Variants in JAKMIP2 observed in about 807,000 individuals in gnomAD.
The protein encoded by JAKMIP2 is janus kinase and microtubule-interacting protein 2.
JAKMIP2 carries 25 observed loss-of-function variants against 115.0 expected under a neutral mutation model. The observed-to-expected ratio is 0.22, with a 90% CI of 0.16 to 0.30. JAKMIP2 has a LOEUF of 0.30. Among genes scored for constraint, JAKMIP2 ranks in the 10% least tolerant of loss-of-function variants. The pLI is 1.00. For synonymous variants in JAKMIP2, 334 were observed against 343.6 expected, an observed-to-expected ratio of 0.97 and a Z score of 0.31; for missense variants, 642 against 957.6, an observed-to-expected ratio of 0.67 and a Z score of 4.35.
chr5:147,631,528 G>A lies in JAKMIP2; in HGVS notation c.1777-17C>T. On this transcript the variant is annotated splice_polypyrimidine_tract_variant and intron_variant, in intron 13 of 21. Transcript: ENST00000616793. ...CTCTCTCTCCTTGAAACACAGTGAA[G>A]AATATATGGAAATTAAAAACAAAAC... 2.0e-6 allele frequency: 3 copies of A among 1,495,536 alleles called. No homozygotes were observed. Among genetic ancestry groups the A allele is most frequent in the Non-Finnish European group, 1.9e-6 (2 of 1,074,260 alleles). The allele number at this position is 1,495,536 out of a possible 1,614,324, so 92.6% of individuals were successfully genotyped here. A position where few individuals can be genotyped will look rare whatever the true frequency, so the allele number is the denominator to read the frequency against.
Position 147,587,355 on chromosome 5 carries a change from A to G in JAKMIP2, c.*4352T>C, listed in dbSNP as rs982318667. ...TAATTACCAAAACACTGTTATGAAA[A>G]TTTCACAAAAGGCAACAAGCAATGC... On this transcript the variant is annotated 3_prime_UTR_variant, in exon 22 of 22. Transcript: ENST00000616793. 3.3e-5 allele frequency: 5 copies of G among 152,178 alleles called. No homozygotes were observed. Among genetic ancestry groups the G allele is most frequent in the African/African-American group, 1.2e-4 (5 of 41,450 alleles). 9.4% of individuals were successfully genotyped at this position (152,178 alleles called of 1,614,324 possible).
chr5:147,740,072 C>T lies in JAKMIP2; in HGVS notation c.-149+42384G>A, dbSNP rs116595710. Among the ~76,000 whole-genome samples, 1,237 of 152,312 alleles carry T rather than the reference C, an allele frequency of 8.1e-3. 24 individuals are homozygous for T. The highest frequency in any genetic ancestry group is 0.028 in the African/African-American group (1,169 of 41,570). ...TTCTCCTTTTTAAATCAACTGGAACCTCACTTGCTGGACACAAGACCCTTA... is the reference window on the plus strand; with the variant it reads ...TTCTCCTTTTTAAATCAACTGGAACTTCACTTGCTGGACACAAGACCCTTA... On this transcript the variant is annotated intron_variant, in intron 1 of 21. Transcript: ENST00000616793.
intron 2 of JAKMIP2, among the ~76,000 whole-genome samples, chr5:147,664,703 C>T (rs1240222662): frequency 2.0e-5 from 3 of 152,108 alleles, no homozygotes; most frequent in Non-Finnish European, 4.4e-5. Flanking sequence ...TTTTTGCCCA[C>T]TTGTCTGTCC....
chr5:147,635,746 A>G (rs1050312031), intron 12 of JAKMIP2, among the ~76,000 whole-genome samples: 1 of 152,104 alleles, frequency 6.6e-6, no homozygotes, highest in African/African-American at 2.4e-5. Flanking sequence ...TATTTAGCAG[A>G]GACAGGGTTT....
chr5:147,597,945 A>G (rs1367422957), intron 21 of JAKMIP2, among the ~76,000 whole-genome samples: 1 of 150,896 alleles, frequency 6.6e-6, no homozygotes, highest in Non-Finnish European at 1.5e-5. Context: ...TTGGCCTTTG[A>G]CTGAGAGTTA....
chr5:147,751,256 GTTT>G (rs59032563), intron 1 of JAKMIP2, among the ~76,000 whole-genome samples: 1 of 131,598 alleles, frequency 7.6e-6, no homozygotes, highest in Non-Finnish European at 1.6e-5. Flanking sequence ...TTTTGTTGTT[GTTT>G]TTTTTTTTTT....
In JAKMIP2 at chr5:147,641,723, ACTT is replaced by A. The variant is rs1481663203; in HGVS notation, c.1263_1265del (p.Arg421del). 2.5e-6 allele frequency: 4 copies of A among 1,612,868 alleles called. No homozygotes were observed. Among genetic ancestry groups the A allele is most frequent in the African/African-American group, 1.3e-5 (1 of 74,864 alleles). On this transcript the variant is annotated inframe_deletion, in exon 8 of 22. Coordinates refer to ENST00000616793, the MANE Select transcript of JAKMIP2 (RefSeq NM_001270941.2). Reference sequence around the variant, plus strand: ...TTCTTATTACCTTAATTGGCTTGGAACTTCTTCTATGCTTTCTTCTACGGATGA... The same window carrying A: ...TTCTTATTACCTTAATTGGCTTGGAACTTCTATGCTTTCTTCTACGGATGA...
chr5:147,736,910 G>T (rs960781435), intron 1 of JAKMIP2, among the ~76,000 whole-genome samples: 14 of 152,188 alleles, frequency 9.2e-5, no homozygotes, highest in African/African-American at 3.4e-4. Context: ...TTTGAGTTGT[G>T]CTTAGTTAGT....
chr5:147,650,198 A>C lies in JAKMIP2; in HGVS notation c.837+140T>G. 3 of 636,688 alleles carry C rather than the reference A, an allele frequency of 4.7e-6. No individual in the cohort carries two copies. The South Asian group carries it at 5.8e-5, about 12-fold the overall frequency. The allele number at this position is 636,688 out of a possible 1,614,324, so 39.4% of individuals were successfully genotyped here. A position where few individuals can be genotyped will look rare whatever the true frequency, so the allele number is the denominator to read the frequency against. The stretch of plus-strand genomic sequence containing the variant: ...TATGAGTTTAGAAAACCCTGTTCTC[A>C]AGATACTAGCTGATTTTATAGTAGA... On this transcript the variant is annotated intron_variant, in intron 4 of 21. Coordinates refer to ENST00000616793, the MANE Select transcript of JAKMIP2 (RefSeq NM_001270941.2).
At chr5:147,651,401 G>T (rs1463269208) in intron 3 of JAKMIP2, among the ~76,000 whole-genome samples, 1 of 152,100 alleles carries the variant, frequency 6.6e-6, no homozygotes, top group Admixed American at 6.5e-5. Context: ...CTAGGATGAG[G>T]GCTAATGAAG....
chr5:147,727,337 G>A (rs1241459156), intron 1 of JAKMIP2, among the ~76,000 whole-genome samples: 1 of 152,182 alleles, frequency 6.6e-6, no homozygotes, highest in Non-Finnish European at 1.5e-5. Flanking sequence ...GGGTGTATTT[G>A]TCTGGTTTTA....
chr5:147,742,867 T>TAA (rs3214609), intron 1 of JAKMIP2, among the ~76,000 whole-genome samples: 1 of 151,314 alleles, frequency 6.6e-6, no homozygotes, highest in African/African-American at 2.4e-5. Flanking sequence ...ACTAATGACT[T>TAA]AAAAAAAAAG....
intron 1 of JAKMIP2, among the ~76,000 whole-genome samples, chr5:147,764,889 GGAAAGAAAGAAAGAAA>G (rs758768756): frequency 1.7e-4 from 10 of 60,516 alleles, no homozygotes; most frequent in South Asian, 6.6e-4. Context: ...TGTCTAAAAG[GGAAAGAAAGAAAGAAA>G]GAAAGAAAGA....
rs1367273768 is a variant in JAKMIP2, at chr5:147,586,994, G to A, written c.*4713C>T. On this transcript the variant is annotated 3_prime_UTR_variant, in exon 22 of 22. Coordinates refer to ENST00000616793, the MANE Select transcript of JAKMIP2 (RefSeq NM_001270941.2). ...TGCCCCATTCTGAAATGGAATAATA[G>A]AATTTGGCACTTGAAGAGGCCTTAC... 6.6e-6 allele frequency: 1 copy of A among 152,060 alleles called. No individual in the cohort carries two copies. Among genetic ancestry groups the A allele is most frequent in the African/African-American group, 2.4e-5 (1 of 41,390 alleles). The allele number at this position is 152,060 out of a possible 1,614,324, so 9.4% of individuals were successfully genotyped here. A position where few individuals can be genotyped will look rare whatever the true frequency, so the allele number is the denominator to read the frequency against.
At chr5:147,685,294 T>C (rs926764141) in intron 1 of JAKMIP2, among the ~76,000 whole-genome samples, 2 of 152,130 alleles carry the variant, frequency 1.3e-5, no homozygotes, top group East Asian at 1.9e-4. Flanking sequence ...GTAAGGGACA[T>C]TGGAAGAATG....
chr5:147,624,494 C>T (rs539668362), intron 16 of JAKMIP2, among the ~76,000 whole-genome samples: 36 of 152,142 alleles, frequency 2.4e-4, no homozygotes, highest in Non-Finnish European at 3.7e-4. Flanking sequence ...GGTAATTTTT[C>T]AGTATATAAA....
intron 1 of JAKMIP2, among the ~76,000 whole-genome samples, chr5:147,741,096 C>T (rs1031430492): frequency 6.6e-6 from 1 of 152,090 alleles, no homozygotes; most frequent in Non-Finnish European, 1.5e-5. Flanking sequence ...ACAGACATAT[C>T]CTGCTGCAAA....
intron 1 of JAKMIP2, among the ~76,000 whole-genome samples, chr5:147,680,042 C>T (rs1760176772): frequency 6.6e-6 from 1 of 152,180 alleles, no homozygotes; most frequent in Admixed American, 6.5e-5. Flanking sequence ...TGAGAAGTTG[C>T]TTAAACTCTC....
At chr5:147,747,031 C>T (rs1754369586) in intron 1 of JAKMIP2, among the ~76,000 whole-genome samples, 1 of 152,196 alleles carries the variant, frequency 6.6e-6, no homozygotes, top group South Asian at 2.1e-4. Context: ...ATGTCCAATG[C>T]TTACTGATGA....
Sources: allele counts gnomAD v4.1 joint callset (sites outside exome capture counted in the v4.1 genomes callset), GRCh38; gene constraint gnomAD v4.1.1; transcripts MANE v1.5; gene names NCBI Gene and HGNC (gene_info 2026-07-23, HGNC 2026-07-21).